TSHZ2: variants seen among roughly 807,000 people sequenced by gnomAD.
The protein encoded by TSHZ2 is teashirt zinc finger homeobox 2.
A neutral mutation model predicts 74.4 loss-of-function variants in TSHZ2; 21 were observed. The ratio of observed to expected loss-of-function variants is 0.28; its 90% confidence interval spans 0.20 to 0.41. The LOEUF is 0.41. Ranked by LOEUF, TSHZ2 falls within the 10% of genes least tolerant of loss-of-function variation. The pLI, the probability that TSHZ2 is intolerant of heterozygous loss-of-function variation, is 1.00. For synonymous variants in TSHZ2, 540 were observed against 515.3 expected (o/e 1.05, Z -0.65); for missense variants, 1,244 against 1,293.5 (o/e 0.96, Z 0.59).
At chr20:53,040,851 G>A (rs978181923) in intron 1 of TSHZ2, among the ~76,000 whole-genome samples, 4 of 152,140 alleles carry the variant, frequency 2.6e-5, no homozygotes, top group African/African-American at 4.8e-5. Context: ...CTCCCTCCCC[G>A]AGTTTGACAC....
intron 1 of TSHZ2, among the ~76,000 whole-genome samples, chr20:53,025,149 ATAT>A (rs1314989369): frequency 1.1e-4 from 16 of 149,964 alleles, no homozygotes; most frequent in African/African-American, 1.7e-4. Flanking sequence ...TAAAGACTAT[ATAT>A]TATTATATAT....
At chr20:53,390,712 G>T (rs932569756) in intron 2 of TSHZ2, among the ~76,000 whole-genome samples, 2 of 152,158 alleles carry the variant, frequency 1.3e-5, no homozygotes, top group African/African-American at 4.8e-5. Context: ...CTAGATCCTT[G>T]AGGAATCGCC....
At chr20:53,475,059 G>C (rs1361609321) in intron 2 of TSHZ2, among the ~76,000 whole-genome samples, 42 of 138,140 alleles carry the variant, frequency 3.0e-4, no homozygotes, top group Admixed American at 5.0e-4. Flanking sequence ...ATTAATAATG[G>C]GAGACTTTAA....
At chr20:53,147,699 G>C (rs1286297650) in intron 1 of TSHZ2, among the ~76,000 whole-genome samples, 2 of 151,948 alleles carry the variant, frequency 1.3e-5, no homozygotes, top group African/African-American at 4.8e-5. Flanking sequence ...CATAAAATAA[G>C]TGGTGGGTCT....
chr20:53,024,182 G>A (rs1983352802), intron 1 of TSHZ2, among the ~76,000 whole-genome samples: 1 of 151,692 alleles, frequency 6.6e-6, no homozygotes, highest in Middle Eastern at 3.4e-3. Flanking sequence ...AAATAAATAT[G>A]TACATAAATT....
chr20:53,082,322 G>C (rs780089253), intron 1 of TSHZ2, among the ~76,000 whole-genome samples: 1 of 152,276 alleles, frequency 6.6e-6, no homozygotes, highest in South Asian at 2.1e-4. Context: ...TAGAGCAAGC[G>C]AATTGTTTTA....
chr20:52,993,108 C>G (rs1190961396), intron 1 of TSHZ2, among the ~76,000 whole-genome samples: 1 of 152,154 alleles, frequency 6.6e-6, no homozygotes, highest in Admixed American at 6.5e-5. Flanking sequence ...TGAAATTTCT[C>G]TCTGGGAATC....
At chr20:53,279,755 G>A (rs543581965) in intron 2 of TSHZ2, among the ~76,000 whole-genome samples, 1 of 152,310 alleles carries the variant, frequency 6.6e-6, no homozygotes. Flanking sequence ...GGCCATTTAG[G>A]ATCCCATGAA....
At chr20:53,413,481 T>G (rs1387337724) in intron 2 of TSHZ2, among the ~76,000 whole-genome samples, 2 of 152,182 alleles carry the variant, frequency 1.3e-5, no homozygotes, top group South Asian at 2.1e-4. Flanking sequence ...TTCTACCACT[T>G]GCAAGTTGTG....
chr20:53,165,339 T>C (rs1334350353), intron 1 of TSHZ2, among the ~76,000 whole-genome samples: 1 of 152,230 alleles, frequency 6.6e-6, no homozygotes, highest in Non-Finnish European at 1.5e-5. Flanking sequence ...CAGGCCATGT[T>C]TGAACCAGAT....
intron 1 of TSHZ2, among the ~76,000 whole-genome samples, chr20:53,189,116 T>C (rs982068077): frequency 6.6e-6 from 1 of 152,216 alleles, no homozygotes; most frequent in Non-Finnish European, 1.5e-5. Context: ...GGTGTACAAA[T>C]GTAACGAGAA....
chr20:53,034,973 G>T (rs980799573), intron 1 of TSHZ2, among the ~76,000 whole-genome samples: 6 of 152,216 alleles, frequency 3.9e-5, no homozygotes, highest in African/African-American at 9.7e-5. Context: ...TAGAGATCAG[G>T]ATAGCAGGAA....
chr20:53,411,262 G>C (rs972591971), intron 2 of TSHZ2, among the ~76,000 whole-genome samples: 1 of 152,074 alleles, frequency 6.6e-6, no homozygotes, highest in African/African-American at 2.4e-5. Context: ...GGAGTCCCAG[G>C]GGCCTCCAGT....
intron 1 of TSHZ2, among the ~76,000 whole-genome samples, chr20:53,182,222 C>T (rs1190580483): frequency 1.0e-5 from 1 of 97,552 alleles, no homozygotes; most frequent in Non-Finnish European, 2.2e-5. Context: ...TCCCTCCTTC[C>T]CTCTTGACTC....
chr20:53,011,582 A>AT (rs1054828099), intron 1 of TSHZ2, among the ~76,000 whole-genome samples: 3 of 152,034 alleles, frequency 2.0e-5, no homozygotes, highest in Admixed American at 6.6e-5. Flanking sequence ...TTCTGAGATG[A>AT]TTTTTTTTGA....
intron 2 of TSHZ2, among the ~76,000 whole-genome samples, chr20:53,326,526 T>A (rs1398207246): frequency 6.6e-6 from 1 of 152,200 alleles, no homozygotes; most frequent in African/African-American, 2.4e-5. Flanking sequence ...GCTGCAATAT[T>A]AATGGGAAGG....
chr20:53,029,409 C>T (rs1018521908), intron 1 of TSHZ2, among the ~76,000 whole-genome samples: 3 of 152,210 alleles, frequency 2.0e-5, no homozygotes, highest in African/African-American at 4.8e-5. Context: ...GGCGCAGTGG[C>T]TCACACCTGT....
chr20:53,025,334 C>G (rs1314077642), intron 1 of TSHZ2, among the ~76,000 whole-genome samples: 1 of 152,000 alleles, frequency 6.6e-6, no homozygotes, highest in Non-Finnish European at 1.5e-5. Context: ...TATATTGATT[C>G]AAAGATCTGG....
intron 2 of TSHZ2, among the ~76,000 whole-genome samples, chr20:53,304,828 C>T (rs1209446241): frequency 2.0e-5 from 3 of 151,992 alleles, no homozygotes; most frequent in East Asian, 3.9e-4. Flanking sequence ...GACGGGGTTT[C>T]GCCATGTTAG....
Sources: allele counts gnomAD v4.1 joint callset (sites outside exome capture counted in the v4.1 genomes callset), GRCh38; gene constraint gnomAD v4.1.1; transcripts MANE v1.5; gene names NCBI Gene and HGNC (gene_info 2026-07-23, HGNC 2026-07-21).